The following CTNNA2 variants were observed in gnomAD, a reference collection of about 807,000 sequenced individuals.
CTNNA2 encodes the protein catenin alpha 2.
A neutral mutation model predicts 101.0 loss-of-function variants in CTNNA2; 42 were observed. That is an observed-to-expected ratio of 0.42 (90% CI 0.32 to 0.54). CTNNA2 has a LOEUF of 0.54. CTNNA2 is among the 20% of genes least tolerant of loss of function. The pLI is 0.14. For synonymous variants in CTNNA2, 450 were observed against 456.4 expected, an observed-to-expected ratio of 0.99 and a Z score of 0.18; for missense variants, 871 against 1,223.1, an observed-to-expected ratio of 0.71 and a Z score of 4.29.
At chr2:80,559,204 T>C (rs1411662314) in intron 12 of CTNNA2, among the ~76,000 whole-genome samples, 1 of 152,140 alleles carries the variant, frequency 6.6e-6, no homozygotes, top group Non-Finnish European at 1.5e-5. Flanking sequence ...CAGGACAGAT[T>C]GGAGCCCATG....
intron 7 of CTNNA2, among the ~76,000 whole-genome samples, chr2:80,165,069 G>A (rs1251305931): frequency 1.3e-5 from 2 of 150,672 alleles, no homozygotes; most frequent in African/African-American, 2.4e-5. Flanking sequence ...TCTTGAACCT[G>A]TAACTTTATA....
intron 7 of CTNNA2, among the ~76,000 whole-genome samples, chr2:80,278,678 G>A (rs904626477): frequency 6.6e-6 from 1 of 152,118 alleles, no homozygotes; most frequent in Non-Finnish European, 1.5e-5. Context: ...GATTAAAGGA[G>A]AGAGAAAGAA....
intron 3 of CTNNA2, among the ~76,000 whole-genome samples, chr2:79,814,195 A>T (rs1178700017): frequency 2.0e-5 from 3 of 152,116 alleles, no homozygotes; most frequent in Non-Finnish European, 2.9e-5. Context: ...GTCCGACAAA[A>T]CTTTGGAGAC....
intron 9 of CTNNA2, among the ~76,000 whole-genome samples, chr2:80,440,278 G>A (rs1682443767): frequency 6.6e-6 from 1 of 152,110 alleles, no homozygotes; most frequent in Admixed American, 6.5e-5. Context: ...CAACCATGGG[G>A]TGATTAGAAA....
At chr2:80,352,589 A>G (rs1673408263) in intron 7 of CTNNA2, among the ~76,000 whole-genome samples, 1 of 152,140 alleles carries the variant, frequency 6.6e-6, no homozygotes, top group Non-Finnish European at 1.5e-5. Context: ...GGGATCTTTA[A>G]GTAAATACTT....
At chr2:79,950,875 C>T (rs1199547533) in intron 7 of CTNNA2, among the ~76,000 whole-genome samples, 1 of 152,100 alleles carries the variant, frequency 6.6e-6, no homozygotes, top group Admixed American at 6.6e-5. Context: ...TTGGGTTGCA[C>T]TGCGCTTCTG....
intron 7 of CTNNA2, among the ~76,000 whole-genome samples, chr2:80,264,633 T>G (rs1385760385): frequency 6.6e-6 from 1 of 152,162 alleles, no homozygotes; most frequent in Non-Finnish European, 1.5e-5. Flanking sequence ...CCTTAGCTTT[T>G]CTCCCTATTA....
intron 7 of CTNNA2, among the ~76,000 whole-genome samples, chr2:80,354,474 T>C (rs1673593838): frequency 6.6e-6 from 1 of 152,150 alleles, no homozygotes; most frequent in Admixed American, 6.5e-5. Context: ...AGAGTGCATC[T>C]TTAGGGTGGT....
At chr2:79,833,672 T>C (rs1236198567) in intron 3 of CTNNA2, among the ~76,000 whole-genome samples, 1 of 152,178 alleles carries the variant, frequency 6.6e-6, no homozygotes, top group South Asian at 2.1e-4. Context: ...TATATCATCA[T>C]GTTATTGCCA....
upstream of CTNNA2, among the ~76,000 whole-genome samples, chr2:79,510,766 A>T (rs7589955): frequency 0.34 from 52,164 of 152,112 alleles, 9,344 homozygotes; most frequent in Non-Finnish European, 0.39. Flanking sequence ...AAGCAATTGC[A>T]TGAACTAAAA....
At chr2:79,437,556 C>T (rs959324503) in intron 4 of CTNNA2, among the ~76,000 whole-genome samples, 1 of 152,156 alleles carries the variant, frequency 6.6e-6, no homozygotes, top group Non-Finnish European at 1.5e-5. Context: ...AAATCATAAA[C>T]CTTGGAGGTG....
At chr2:79,978,912 C>G (rs1433477259) in intron 7 of CTNNA2, among the ~76,000 whole-genome samples, 1 of 152,174 alleles carries the variant, frequency 6.6e-6, no homozygotes, top group Non-Finnish European at 1.5e-5. Context: ...ATCATGCCCT[C>G]TTGACATAAA....
At chr2:79,833,387 C>A (rs945036084) in intron 3 of CTNNA2, among the ~76,000 whole-genome samples, 1 of 152,196 alleles carries the variant, frequency 6.6e-6, no homozygotes, top group Non-Finnish European at 1.5e-5. Context: ...ACAGGAATTC[C>A]TGCCTTTGTC....
At chr2:79,313,515 T>C (rs1406212050) in intron 3 of CTNNA2, among the ~76,000 whole-genome samples, 1 of 152,142 alleles carries the variant, frequency 6.6e-6, no homozygotes, top group African/African-American at 2.4e-5. Context: ...TTTAGCTAGA[T>C]TCTCAGCTAG....
chr2:79,985,582 G>A (rs770998361), intron 7 of CTNNA2, among the ~76,000 whole-genome samples: 1 of 152,118 alleles, frequency 6.6e-6, no homozygotes, highest in African/African-American at 2.4e-5. Context: ...ACTAAACAAA[G>A]GACATGATGG....
intron 3 of CTNNA2, among the ~76,000 whole-genome samples, chr2:79,797,580 G>C (rs1675817970): frequency 3.3e-5 from 5 of 149,798 alleles, no homozygotes; most frequent in Admixed American, 2.7e-4. Flanking sequence ...AGAACTGCTT[G>C]AGCCCAGGAG....
chr2:80,495,796 C>T (rs1003806481), intron 9 of CTNNA2, among the ~76,000 whole-genome samples: 14 of 151,844 alleles, frequency 9.2e-5, no homozygotes, highest in Non-Finnish European at 1.5e-4. Flanking sequence ...AAAAATTAGC[C>T]GGGCATGGTG....
At chr2:79,345,320 T>G (rs1001918512) in intron 3 of CTNNA2, among the ~76,000 whole-genome samples, 7 of 152,194 alleles carry the variant, frequency 4.6e-5, no homozygotes, top group African/African-American at 1.4e-4. Flanking sequence ...ACACTATTTT[T>G]CAGTGTTTCA....
At chr2:80,207,097 G>GT (rs1340431793) in intron 7 of CTNNA2, among the ~76,000 whole-genome samples, 10 of 152,154 alleles carry the variant, frequency 6.6e-5, no homozygotes, top group African/African-American at 2.4e-4. Context: ...TAAATGAAGG[G>GT]TTTTTTGATT....
Sources: gnomAD v4.1 joint callset for allele counts (sites outside exome capture counted in the v4.1 genomes callset) on GRCh38, gnomAD v4.1.1 for gene constraint, MANE v1.5 for transcripts, NCBI Gene and HGNC (gene_info 2026-07-23, HGNC 2026-07-21) for gene names.